ARMH4: variants seen among roughly 807,000 people sequenced by gnomAD.
ARMH4 encodes the protein armadillo like helical domain containing 4, also known as armadillo-like helical domain-containing protein 4.
A neutral mutation model predicts 61.9 loss-of-function variants in ARMH4; 49 were observed. That is an observed-to-expected ratio of 0.79 (90% CI 0.63 to 1.00). The LOEUF is 1.00. Among genes scored for constraint, ARMH4 ranks in the 50% least tolerant of loss-of-function variants. The pLI is 0.00. For synonymous variants in ARMH4, 368 were observed against 341.5 expected, an observed-to-expected ratio of 1.08 and a Z score of -0.85; for missense variants, 934 against 930.0, an observed-to-expected ratio of 1.00 and a Z score of -0.06.
Position 58,150,807 on chromosome 14 carries a change from T to C in ARMH4, c.-57+1268A>G, listed in dbSNP as rs529581499. Among the ~76,000 whole-genome samples the C allele has an allele frequency of 4.6e-5, 7 of 152,278 alleles. No individual in the cohort carries two copies. In the East Asian group the frequency reaches 1.2e-3, roughly 25 times the overall value. ...CAGAGTACCTTTAAACCTCTGTGTG[T>C]AAAAGAAGCAATGTTCTGATACTGT... On this transcript the variant is annotated intron_variant, in intron 1 of 7. Coordinates refer to ENST00000267485, the MANE Select transcript of ARMH4 (RefSeq NM_001001872.4).
intron 1 of ARMH4, among the ~76,000 whole-genome samples, chr14:58,151,603 T>G (rs561792159): frequency 6.6e-6 from 1 of 152,332 alleles, no homozygotes; most frequent in Non-Finnish European, 1.5e-5. Context: ...GATTCGCTCC[T>G]CGATTGTTAG....
In ARMH4 at chr14:58,126,068, G is replaced by A. The variant is rs572396120; in HGVS notation, c.1831+5444C>T. On this transcript the variant is annotated intron_variant, in intron 4 of 7. Transcript: ENST00000267485. Reference sequence around the variant, plus strand: ...GGATATAAACCCAGGCATTCGAGCTGGCAACAGCTACCCTCTTTGGGTCCC... The same window carrying A: ...GGATATAAACCCAGGCATTCGAGCTAGCAACAGCTACCCTCTTTGGGTCCC... 2.2e-3 allele frequency among the ~76,000 whole-genome samples: 338 copies of A among 152,292 alleles called. 1 individual carries two copies. Among genetic ancestry groups the A allele is most frequent in the African/African-American group, 7.3e-3 (303 of 41,548 alleles).
Position 58,138,871 on chromosome 14 carries a change from A to C in ARMH4, c.488T>G (p.Leu163Arg). ...PSLTVDEKEE[L>R]LTSTNFQPIV... Reference sequence around the variant, plus strand: ...GGGCTGAAAGTTAGTGCTTGTAAGGAGTTCCTCCTTTTCATCAACAGTCAG... The same window carrying C: ...GGGCTGAAAGTTAGTGCTTGTAAGGCGTTCCTCCTTTTCATCAACAGTCAG... The change falls in exon 2 of 8, where the codon CTC (leucine) becomes CGC (arginine). Residue 163 changes from leucine (L) to arginine (R), a missense_variant. Transcript: ENST00000267485. 1 of 1,614,194 alleles carries C rather than the reference A, an allele frequency of 6.2e-7. No individual in the cohort carries two copies.
Position 58,022,270 on chromosome 14 carries a change from C to A in ARMH4, c.2090-10120G>T, listed in dbSNP as rs1311449952. Among the ~76,000 whole-genome samples, 4 of 152,118 alleles carry A rather than the reference C, an allele frequency of 2.6e-5. No individual in the cohort carries two copies. In the East Asian group the frequency reaches 5.8e-4, roughly 22 times the overall value. ...ACCGCCACTCTCCAAGCTCTGCCTC[C>A]CACTGTCATATTTTCTTCTCTGACT... On this transcript the variant is annotated intron_variant, in intron 5 of 7. Transcript: ENST00000267485.
chr14:58,117,823 A>G (rs1886580719), intron 4 of ARMH4, among the ~76,000 whole-genome samples: 2 of 151,974 alleles, frequency 1.3e-5, no homozygotes, highest in Non-Finnish European at 2.9e-5. Flanking sequence ...CAGTGGTATG[A>G]TCACAGTTCA....
At chr14:58,041,656 G>T (rs1017246589) in intron 5 of ARMH4, among the ~76,000 whole-genome samples, 3 of 152,100 alleles carry the variant, frequency 2.0e-5, no homozygotes, top group African/African-American at 7.2e-5. Context: ...TGGCAAATTG[G>T]ATAAAGAGTC....
intron 5 of ARMH4, among the ~76,000 whole-genome samples, chr14:58,020,736 G>A (rs1273747767): frequency 6.6e-6 from 1 of 152,170 alleles, no homozygotes; most frequent in Non-Finnish European, 1.5e-5. Flanking sequence ...GCTCTCCACT[G>A]GGCAACAACC....
chr14:58,126,907 A>C (rs756088917), intron 4 of ARMH4, among the ~76,000 whole-genome samples: 64 of 147,974 alleles, frequency 4.3e-4, no homozygotes, highest in Middle Eastern at 3.5e-3. Context: ...GGTTCAAGTG[A>C]TTCTCCTGCC....
chr14:58,040,947 C>T (rs1408406696), intron 5 of ARMH4, among the ~76,000 whole-genome samples: 2 of 152,194 alleles, frequency 1.3e-5, no homozygotes, highest in African/African-American at 4.8e-5. Context: ...AAGTATCCTA[C>T]GTTCCTCTAA....
intron 5 of ARMH4, 98 bp downstream of exon 5, chr14:58,096,626 T>G (rs1594754299): frequency 7.2e-7 from 1 of 1,385,862 alleles, no homozygotes; most frequent in Middle Eastern, 1.9e-4. Context: ...AGAAAATCCA[T>G]TTTTCTTTAC....
intron 3 of ARMH4, 129 bp downstream of exon 3, chr14:58,132,961 G>T: frequency 1.1e-6 from 1 of 907,850 alleles, no homozygotes; most frequent in Non-Finnish European, 1.7e-6. Context: ...GTAAAGGTGT[G>T]TGTGTGTGTG....
At chr14:58,116,143 A>T (rs958565740) in intron 4 of ARMH4, 2 of 152,710 alleles carry the variant, frequency 1.3e-5, no homozygotes, top group African/African-American at 4.8e-5. Context: ...CATCGCCATG[A>T]CTTTTTAAAC....
intron 5 of ARMH4, among the ~76,000 whole-genome samples, chr14:58,013,956 A>T (rs899438754): frequency 6.6e-6 from 1 of 152,108 alleles, no homozygotes; most frequent in Admixed American, 6.6e-5. Flanking sequence ...CCCAGAAGGC[A>T]GAGGTTGCAG....
chr14:58,048,068 A>G (rs186394405), intron 5 of ARMH4, among the ~76,000 whole-genome samples: 65 of 152,328 alleles, frequency 4.3e-4, no homozygotes, highest in African/African-American at 1.5e-3. Flanking sequence ...TTACCAATTT[A>G]GCTCCAGTGG....
chr14:58,092,273 T>C (rs1885594463), intron 5 of ARMH4, among the ~76,000 whole-genome samples: 1 of 152,224 alleles, frequency 6.6e-6, no homozygotes, highest in African/African-American at 2.4e-5. Flanking sequence ...AATTAAAGTG[T>C]TATCATATTA....
intron 1 of ARMH4, among the ~76,000 whole-genome samples, chr14:58,140,152 G>A (rs777055718): frequency 3.3e-5 from 5 of 151,192 alleles, no homozygotes; most frequent in Non-Finnish European, 7.4e-5. Flanking sequence ...GTAGGCACCT[G>A]TAATCTCAGC....
At chr14:58,070,117 G>A (rs1425449453) in intron 5 of ARMH4, among the ~76,000 whole-genome samples, 1 of 152,154 alleles carries the variant, frequency 6.6e-6, no homozygotes, top group Admixed American at 6.6e-5. Context: ...TGCGAGAACC[G>A]AGTGAAGCAG....
At chr14:58,083,808 G>T (rs1305476122) in intron 5 of ARMH4, among the ~76,000 whole-genome samples, 1 of 152,176 alleles carries the variant, frequency 6.6e-6, no homozygotes, top group Non-Finnish European at 1.5e-5. Context: ...GCATCCATCT[G>T]TAAATTCATT....
At chr14:58,143,484 G>A (rs1887631017) in intron 1 of ARMH4, among the ~76,000 whole-genome samples, 1 of 152,122 alleles carries the variant, frequency 6.6e-6, no homozygotes, top group Non-Finnish European at 1.5e-5. Context: ...TTATTTTTGA[G>A]ATGGAGTCTC....
Sources: gnomAD v4.1 joint callset for allele counts (sites outside exome capture counted in the v4.1 genomes callset) on GRCh38, gnomAD v4.1.1 for gene constraint, MANE v1.5 for transcripts, NCBI Gene and HGNC (gene_info 2026-07-23, HGNC 2026-07-21) for gene names.